Variants in IQCJ observed in about 807,000 individuals in gnomAD.
IQCJ encodes IQ motif containing J.
IQCJ carries 9 observed loss-of-function variants against 11.0 expected under a neutral mutation model. The ratio of observed to expected loss-of-function variants is 0.82; its 90% confidence interval spans 0.49 to 1.43. The LOEUF (loss-of-function observed/expected upper bound fraction) is 1.43. IQCJ is among the 40% of genes most tolerant of loss of function. The pLI is 0.00. For missense variants in IQCJ, 146 were observed against 133.2 expected (o/e 1.10, Z -0.47); for synonymous variants, 55 against 51.3 (o/e 1.07, Z -0.31).
At chr3:159,197,219 A>C (rs1275839916) in intron 1 of IQCJ, among the ~76,000 whole-genome samples, 1 of 152,168 alleles carries the variant, frequency 6.6e-6, no homozygotes, top group Non-Finnish European at 1.5e-5. Context: ...TGGGTGTAGA[A>C]AGTCCAGTAA....
intron 2 of IQCJ, among the ~76,000 whole-genome samples, chr3:159,248,607 C>A (rs1277354663): frequency 2.6e-5 from 4 of 152,142 alleles, no homozygotes; most frequent in African/African-American, 9.7e-5. Context: ...AATGCCCTGG[C>A]TTAAGCTCCA....
intron 1 of IQCJ, among the ~76,000 whole-genome samples, chr3:159,123,114 A>G (rs1719472346): frequency 6.6e-6 from 1 of 152,218 alleles, no homozygotes; most frequent in Admixed American, 6.5e-5. Context: ...GTAACACAAC[A>G]ATGGTGTTAA....
chr3:159,073,986 A>G (rs189334900), intron 1 of IQCJ, among the ~76,000 whole-genome samples: 3 of 152,272 alleles, frequency 2.0e-5, no homozygotes, highest in Admixed American at 2.0e-4. Context: ...AAGCAGAATC[A>G]GATGATTTGG....
Position 159,197,864 on chromosome 3 carries a change from T to C in IQCJ, c.10-47979T>C, listed in dbSNP as rs193067907. 1.5e-3 allele frequency among the ~76,000 whole-genome samples: 231 copies of C among 152,224 alleles called. 1 individual carries two copies. Among genetic ancestry groups the C allele is most frequent in the Admixed American group, 0.012 (178 of 15,294 alleles). On this transcript the variant is annotated intron_variant, in intron 1 of 3. Coordinates refer to ENST00000397832, the MANE Select transcript of IQCJ (RefSeq NM_001042706.3). ...TTTTAATCAGAAGCAAGAAATTCAATTTTAATATGATGTCTTTTGGTTTTT... is the reference window on the plus strand; with the variant it reads ...TTTTAATCAGAAGCAAGAAATTCAACTTTAATATGATGTCTTTTGGTTTTT...
chr3:159,170,469 A>G (rs1480018211), intron 1 of IQCJ, among the ~76,000 whole-genome samples: 1 of 152,206 alleles, frequency 6.6e-6, no homozygotes, highest in African/African-American at 2.4e-5. Flanking sequence ...GGACACTAAC[A>G]TTCAGTTTTG....
chr3:159,075,356 G>GA (rs1402998687), intron 1 of IQCJ, among the ~76,000 whole-genome samples: 5 of 152,068 alleles, frequency 3.3e-5, no homozygotes, highest in African/African-American at 1.2e-4. Context: ...TTTTTTAAGA[G>GA]ATAATCAAAT....
intron 1 of IQCJ, among the ~76,000 whole-genome samples, chr3:159,210,710 G>A (rs1007200505): frequency 1.3e-5 from 2 of 152,046 alleles, no homozygotes; most frequent in African/African-American, 4.8e-5. Context: ...CGCTCTTGTT[G>A]CCCAGGCTGG....
chr3:159,242,099 C>A (rs1364415715), intron 1 of IQCJ, among the ~76,000 whole-genome samples: 1 of 152,104 alleles, frequency 6.6e-6, no homozygotes, highest in African/African-American at 2.4e-5. Context: ...AGGGAGCAAC[C>A]GTGGCTGTTT....
At chr3:159,183,378 A>C (rs1245548129) in intron 1 of IQCJ, among the ~76,000 whole-genome samples, 1 of 152,060 alleles carries the variant, frequency 6.6e-6, no homozygotes, top group East Asian at 1.9e-4. Flanking sequence ...TTACCACTAT[A>C]CCTAGGAGTA....
At chr3:159,119,064 C>T (rs917371752) in intron 1 of IQCJ, among the ~76,000 whole-genome samples, 3 of 152,156 alleles carry the variant, frequency 2.0e-5, no homozygotes, top group African/African-American at 4.8e-5. Context: ...CTCTGAGAAC[C>T]GAGCCTTGGC....
rs567068881 is a variant in IQCJ at position 159,140,262 on chromosome 3, A to G, written c.9+70821A>G. ...TGTACCTACCATTATAGTATCATACAGCATAGTTGCACTAAATTTTTAAAT... is the reference window on the plus strand; with the variant it reads ...TGTACCTACCATTATAGTATCATACGGCATAGTTGCACTAAATTTTTAAAT... On this transcript the variant is annotated intron_variant, in intron 1 of 3. Coordinates refer to ENST00000397832, the MANE Select transcript of IQCJ (RefSeq NM_001042706.3). Among the ~76,000 whole-genome samples the G allele has an allele frequency of 1.1e-4, 17 of 152,340 alleles. No individual in the cohort carries two copies. In the South Asian group the frequency reaches 3.5e-3, roughly 32 times the overall value.
chr3:159,263,450 T>TA lies in IQCJ; in HGVS notation c.*725dup, dbSNP rs1728331495. The TA allele has an allele frequency of 2.0e-6, 2 of 984,546 alleles. No homozygotes were observed. The highest frequency in any genetic ancestry group is 6.2e-5 in the Admixed American group (1 of 16,254). The allele number at this position is 984,546 out of a possible 1,614,324, so 61.0% of individuals were successfully genotyped here. ...GGAATCTGCTGGAAGTCTTTATTTT[T>TA]AAAAAACACCAAAAGTGGGAAGAAA... On this transcript the variant is annotated 3_prime_UTR_variant, in exon 4 of 4. Transcript: ENST00000397832.
intron 1 of IQCJ, among the ~76,000 whole-genome samples, chr3:159,200,832 G>A (rs1211325607): frequency 6.6e-6 from 1 of 152,212 alleles, no homozygotes; most frequent in Non-Finnish European, 1.5e-5. Context: ...TTCCTGGACA[G>A]ATGAGGGGAG....
At chr3:159,160,570 T>C (rs1446478960) in intron 1 of IQCJ, among the ~76,000 whole-genome samples, 1 of 152,006 alleles carries the variant, frequency 6.6e-6, no homozygotes, top group Non-Finnish European at 1.5e-5. Flanking sequence ...TTAGGGTACA[T>C]GTGCACAATG....
chr3:159,262,064 G>A (rs566874508), intron 3 of IQCJ, among the ~76,000 whole-genome samples: 2 of 152,322 alleles, frequency 1.3e-5, no homozygotes, highest in East Asian at 1.9e-4. Context: ...TCATGCAAAG[G>A]ACTGCTCTGG....
At chr3:159,264,010 G>A (rs909897250), downstream of IQCJ, among the ~76,000 whole-genome samples, 3 of 152,230 alleles carry the variant, frequency 2.0e-5, no homozygotes, top group African/African-American at 7.2e-5. Flanking sequence ...AAACTAAAGT[G>A]AGAATTGAAT....
downstream of IQCJ, among the ~76,000 whole-genome samples, chr3:159,264,509 T>A (rs969525841): frequency 2.0e-5 from 3 of 152,198 alleles, no homozygotes; most frequent in African/African-American, 7.2e-5. Context: ...CCATAAGGTA[T>A]ATCAGACTGA....
chr3:159,146,910 T>C (rs1411174905), intron 1 of IQCJ, among the ~76,000 whole-genome samples: 1 of 152,190 alleles, frequency 6.6e-6, no homozygotes, highest in Non-Finnish European at 1.5e-5. Context: ...TCATTACTAT[T>C]AAAAATACAC....
chr3:159,108,033 A>G (rs1272385052), intron 1 of IQCJ, among the ~76,000 whole-genome samples: 1 of 151,798 alleles, frequency 6.6e-6, no homozygotes. Flanking sequence ...AAAGAAAAAA[A>G]ATTCTAGAAA....
Sources: allele counts gnomAD v4.1 joint callset (sites outside exome capture counted in the v4.1 genomes callset), GRCh38; gene constraint gnomAD v4.1.1; transcripts MANE v1.5; gene names NCBI Gene and HGNC (gene_info 2026-07-23, HGNC 2026-07-21).